The following FREM1 variants were observed in gnomAD, a reference collection of about 807,000 sequenced individuals.
The protein encoded by FREM1 is FRAS1 related extracellular matrix 1.
In FREM1, 220 loss-of-function variants were observed where a neutral mutation model predicts 210.1. That is an observed-to-expected ratio of 1.05 (90% CI 0.94 to 1.17). The LOEUF (loss-of-function observed/expected upper bound fraction) is 1.17, where lower values mean the gene tolerates loss of function less well. FREM1 is among the 50% of genes most tolerant of loss of function. FREM1 has a pLI of 0.00. For synonymous variants in FREM1, 1,189 were observed against 980.2 expected, an observed-to-expected ratio of 1.21 and a Z score of -3.98; for missense variants, 3,454 against 2,675.5, an observed-to-expected ratio of 1.29 and a Z score of -6.42.
Position 14,747,708 on chromosome 9 carries a change from A to G in FREM1, c.5817T>C (p.Tyr1939=). 1.3e-6 allele frequency: 2 copies of G among 1,543,456 alleles called. No homozygotes were observed. The highest frequency in any genetic ancestry group is 1.8e-6 in the Non-Finnish European group (2 of 1,141,434). ...NGKTVRPSSV[Y]RNGTDIIYNY... ...TATAGATGATGTCTGTTCCATTTCT[A>G]TAAACAGAGGATGGACGAACCTGAA... The change falls in exon 32 of 37, where the codon TAT becomes TAC. Residue 1939 remains tyrosine, a synonymous_variant. Transcript: ENST00000380880.
chr9:14,873,396 C>T (rs7855384), intron 1 of FREM1, among the ~76,000 whole-genome samples: 5 of 151,884 alleles, frequency 3.3e-5, no homozygotes, highest in Non-Finnish European at 5.9e-5. Flanking sequence ...GTTTAGTCTT[C>T]GGAGGGTGTA....
chr9:14,890,214 G>C (rs1028787983), intron 1 of FREM1, among the ~76,000 whole-genome samples: 6 of 152,212 alleles, frequency 3.9e-5, no homozygotes, highest in Admixed American at 1.3e-4. Context: ...ACCATGTTCT[G>C]AACCCCATGA....
At chr9:14,905,844 T>C (rs1196013716) in intron 1 of FREM1, among the ~76,000 whole-genome samples, 1 of 151,762 alleles carries the variant, frequency 6.6e-6, no homozygotes, top group Non-Finnish European at 1.5e-5. Context: ...TGAGCCAAGA[T>C]CACGCCACTG....
Position 14,868,733 on chromosome 9 carries a change from A to T in FREM1, c.234+11T>A. ...CACACGACTGAACAGAAAATCGCAGATAGGACCTACCTGTGGAGTGAGTTT... is the reference window on the plus strand; with the variant it reads ...CACACGACTGAACAGAAAATCGCAGTTAGGACCTACCTGTGGAGTGAGTTT... On this transcript the variant is annotated intron_variant, in intron 2 of 36. Coordinates refer to ENST00000380880, the MANE Select transcript of FREM1 (RefSeq NM_001379081.2). 1 of 1,560,990 alleles carries T rather than the reference A, an allele frequency of 6.4e-7. No homozygotes were observed. Among genetic ancestry groups the T allele is most frequent in the Non-Finnish European group, 8.8e-7 (1 of 1,136,684 alleles).
At chr9:14,764,171 C>A (rs939049471) in intron 27 of FREM1, among the ~76,000 whole-genome samples, 1 of 152,218 alleles carries the variant, frequency 6.6e-6, no homozygotes, top group Non-Finnish European at 1.5e-5. Context: ...GGCTCTCATT[C>A]TCTCTTGCCT....
chr9:14,871,262 G>T (rs1832620823), intron 1 of FREM1, among the ~76,000 whole-genome samples: 1 of 152,184 alleles, frequency 6.6e-6, no homozygotes, highest in African/African-American at 2.4e-5. Flanking sequence ...CTAGTTTACA[G>T]TCCTACCAAC....
intron 23 of FREM1, among the ~76,000 whole-genome samples, chr9:14,786,432 T>C (rs1440782678): frequency 1.3e-5 from 2 of 152,206 alleles, no homozygotes; most frequent in Non-Finnish European, 2.9e-5. Flanking sequence ...TTTTTAAAGA[T>C]ATTCAGCCTC....
Position 14,812,948 on chromosome 9 carries a change from C to A in FREM1, c.2757G>T (p.Val919=). 1.2e-6 allele frequency: 2 copies of A among 1,613,914 alleles called. No homozygotes were observed. Among genetic ancestry groups the A allele is most frequent in the Non-Finnish European group, 8.5e-7 (1 of 1,179,856 alleles). The part of the protein sequence containing the change: ...ITSEYIFATD[V]DSDNLKLMFV... ...ACATCAACTTCAAGTTATCGCTGTC[C>A]ACATCAGTAGCAAAAATGTATTCAG... The change falls in exon 16 of 37, where the codon GTG becomes GTT. Residue 919 remains valine, a synonymous_variant. Coordinates refer to ENST00000380880, the MANE Select transcript of FREM1 (RefSeq NM_001379081.2).
intron 5 of FREM1, 26 bp from the exon 6 acceptor site, chr9:14,851,633 A>T: frequency 6.6e-7 from 1 of 1,516,338 alleles, no homozygotes; most frequent in Non-Finnish European, 9.2e-7. Context: ...GAAAATATAA[A>T]GGAGGAAATA....
At position 14,828,643 on chromosome 9, in the gene FREM1, C is replaced by CGGG. The variant is rs1554687424; in HGVS notation, c.1882-3654_1882-3652dup. 8.1e-3 allele frequency among the ~76,000 whole-genome samples: 436 copies of CGGG among 53,834 alleles called. 14 individuals are homozygous for CGGG. Among genetic ancestry groups the CGGG allele is most frequent in the African/African-American group, 0.018 (343 of 18,660 alleles). 35.3% of individuals were successfully genotyped at this position (53,834 alleles called of 152,430 possible). On this transcript the variant is annotated intron_variant, in intron 10 of 36. Coordinates refer to ENST00000380880, the MANE Select transcript of FREM1 (RefSeq NM_001379081.2). Reference sequence around the variant, plus strand: ...GAGAAGAACATAAATTGTGGCGGGGCGGGGGAGGTGCCGGGGTAGAATGTT... The same window carrying CGGG: ...GAGAAGAACATAAATTGTGGCGGGGCGGGGGGGGAGGTGCCGGGGTAGAATGTT...
chr9:14,896,413 G>A lies in FREM1; in HGVS notation c.-268+13501C>T, dbSNP rs529718342. On this transcript the variant is annotated intron_variant, in intron 1 of 36. Transcript: ENST00000380880. Reference sequence around the variant, plus strand: ...ACAAAAATTAGCTGGGAGTGGTGGTGTGCACCTGTAATCCCAGCTACTCAG... The same window carrying A: ...ACAAAAATTAGCTGGGAGTGGTGGTATGCACCTGTAATCCCAGCTACTCAG... Among the ~76,000 whole-genome samples, 7 of 152,090 alleles carry A rather than the reference G, an allele frequency of 4.6e-5. No homozygotes were observed. In the South Asian group the frequency reaches 1.5e-3, roughly 32 times the overall value.
At chr9:14,746,731 T>G (rs1842508433) in intron 34 of FREM1, among the ~76,000 whole-genome samples, 192 bp downstream of exon 34, 1 of 152,236 alleles carries the variant, frequency 6.6e-6, no homozygotes, top group Non-Finnish European at 1.5e-5. Flanking sequence ...TAAATGGTAT[T>G]GATTTAACTA....
chr9:14,823,039 T>C, intron 13 of FREM1, 121 bp downstream of exon 13: 2 of 652,836 alleles, frequency 3.1e-6, no homozygotes, highest in East Asian at 3.0e-5. Flanking sequence ...ACACCATAGA[T>C]GGAAATTTCT....
chr9:14,902,719 T>C (rs1427064750), intron 1 of FREM1, among the ~76,000 whole-genome samples: 1 of 152,206 alleles, frequency 6.6e-6, no homozygotes, highest in Non-Finnish European at 1.5e-5. Flanking sequence ...AAAGATTCTG[T>C]AAAAGTGCAA....
At chr9:14,892,187 A>C (rs920567284) in intron 1 of FREM1, among the ~76,000 whole-genome samples, 12 of 149,412 alleles carry the variant, frequency 8.0e-5, no homozygotes, top group Admixed American at 6.7e-4. Context: ...TACTGAAAAA[A>C]CCCCCCGACC....
At chr9:14,820,148 T>A (rs1366968333) in intron 13 of FREM1, among the ~76,000 whole-genome samples, 1 of 152,236 alleles carries the variant, frequency 6.6e-6, no homozygotes. Flanking sequence ...CAATAAGTGT[T>A]CTATGGCCAA....
At chr9:14,850,885 A>G (rs947242198) in intron 6 of FREM1, among the ~76,000 whole-genome samples, 1 of 152,234 alleles carries the variant, frequency 6.6e-6, no homozygotes, top group Non-Finnish European at 1.5e-5. Context: ...TAGCTAGCAC[A>G]ATACGTTTCA....
At chr9:14,792,290 A>G (rs1483024150) in intron 22 of FREM1, among the ~76,000 whole-genome samples, 1 of 144,688 alleles carries the variant, frequency 6.9e-6, no homozygotes, top group African/African-American at 2.5e-5. Flanking sequence ...ACACACACAC[A>G]CACACACACA....
At chr9:14,882,726 G>A (rs1835007639) in intron 1 of FREM1, among the ~76,000 whole-genome samples, 1 of 151,076 alleles carries the variant, frequency 6.6e-6, no homozygotes, top group East Asian at 1.9e-4. Context: ...CAAAGTGCTG[G>A]GATTACAGGT....
Sources: allele counts gnomAD v4.1 joint callset (sites outside exome capture counted in the v4.1 genomes callset), GRCh38; gene constraint gnomAD v4.1.1; transcripts MANE v1.5; gene names NCBI Gene and HGNC (gene_info 2026-07-23, HGNC 2026-07-21).